PTPRZ1: variants seen among roughly 807,000 people sequenced by gnomAD.
The protein encoded by PTPRZ1 is protein tyrosine phosphatase receptor type Z1.
Under a neutral mutation model 214.1 loss-of-function variants are expected in PTPRZ1, and 82 were observed. That is an observed-to-expected ratio of 0.38 (90% CI 0.32 to 0.46). PTPRZ1 has a LOEUF of 0.46. Among genes scored for constraint, PTPRZ1 ranks in the 20% least tolerant of loss-of-function variants. The pLI is 1.00. For synonymous variants in PTPRZ1, 945 were observed against 987.9 expected (o/e 0.96, Z 0.81); for missense variants, 2,603 against 2,748.7 (o/e 0.95, Z 1.19).
At chr7:122,055,254 A>G (rs1400750033) in intron 27 of PTPRZ1, among the ~76,000 whole-genome samples, 167 bp downstream of exon 27, 2 of 152,036 alleles carry the variant, frequency 1.3e-5, no homozygotes, top group Non-Finnish European at 2.9e-5. Flanking sequence ...TCAAAATGAT[A>G]TAGAATCATT....
chr7:122,061,969 T>G lies in PTPRZ1; in HGVS notation c.*749T>G, dbSNP rs1488744182. The G allele has an allele frequency of 6.6e-6, 1 of 152,640 alleles. No homozygotes were observed. The highest frequency in any genetic ancestry group is 1.5e-5 in the Non-Finnish European group (1 of 68,044). The allele number at this position is 152,640 out of a possible 1,614,324, so 9.5% of individuals were successfully genotyped here. ...AAGAAGTTTTTATGAGAATAACACC[T>G]TACCAAACATTGTTCAAATGGTTTT... On this transcript the variant is annotated 3_prime_UTR_variant, in exon 30 of 30. Transcript: ENST00000393386.
chr7:122,061,011 T>C, intron 29 of PTPRZ1, 69 bp from the exon 30 acceptor site: 8 of 1,437,154 alleles, frequency 5.6e-6, no homozygotes, highest in South Asian at 1.4e-5. Flanking sequence ...CTAAAAATAT[T>C]TCTTCTTTTT....
At chr7:121,874,042 A>C (rs1793973448) in intron 1 of PTPRZ1, among the ~76,000 whole-genome samples, 1 of 145,626 alleles carries the variant, frequency 6.9e-6, no homozygotes, top group Admixed American at 6.8e-5. Flanking sequence ...AATTGCAGAC[A>C]CACACACACA....
chr7:122,011,613 T>C lies in PTPRZ1; in HGVS notation c.2567T>C (p.Leu856Ser), dbSNP rs769053474. 1 of 1,614,134 alleles carries C rather than the reference T, an allele frequency of 6.2e-7. No homozygotes were observed. Among genetic ancestry groups the C allele is most frequent in the Non-Finnish European group, 8.5e-7 (1 of 1,180,006 alleles). The change falls in exon 12 of 30, where the codon TTG (leucine) becomes TCG (serine). Residue 856 changes from leucine to serine, a missense_variant. Transcript: ENST00000393386. The stretch of plus-strand genomic sequence containing the variant: ...GCTACCGAGAGTGATAAGGTGCCCT[T>C]GCATGCTTCTCTGCCAGTGGCTGGG... ...TSATESDKVP[L>S]HASLPVAGGD...
At chr7:121,899,156 T>A (rs1057102358) in intron 1 of PTPRZ1, among the ~76,000 whole-genome samples, 7 of 152,168 alleles carry the variant, frequency 4.6e-5, no homozygotes, top group African/African-American at 7.2e-5. Context: ...GATTTTTTTT[T>A]AAAACTAGTT....
At chr7:122,059,994 CAT>C in intron 29 of PTPRZ1, 106 bp downstream of exon 29, 2 of 1,110,170 alleles carry the variant, frequency 1.8e-6, no homozygotes, top group Non-Finnish European at 2.5e-6. Context: ...TAACTGATAA[CAT>C]TAGTATGTAG....
Position 121,873,218 on chromosome 7 carries a change from C to G in PTPRZ1, c.-282C>G. ...AAAGTCCCGCACGCCGGAGGACATG[C>G]GCCTCGGCTAGCGGCCCCGGGCCCC... is the stretch of plus-strand genomic sequence containing the variant. On this transcript the variant is annotated 5_prime_UTR_variant, in exon 1 of 30. Coordinates refer to ENST00000393386, the MANE Select transcript of PTPRZ1 (RefSeq NM_002851.3). 2.3e-6 allele frequency: 1 copy of G among 427,410 alleles called. No homozygotes were observed. The highest frequency in any genetic ancestry group is 4.1e-6 in the Non-Finnish European group (1 of 242,428). 26.5% of individuals were successfully genotyped at this position (427,410 alleles called of 1,614,324 possible). A position where few individuals can be genotyped will look rare whatever the true frequency, so the allele number is the denominator to read the frequency against.
chr7:121,884,800 G>A (rs1302878426), intron 1 of PTPRZ1, among the ~76,000 whole-genome samples: 1 of 152,184 alleles, frequency 6.6e-6, no homozygotes, highest in Non-Finnish European at 1.5e-5. Context: ...TAGACTATTT[G>A]GATGAGATTT....
intron 1 of PTPRZ1, among the ~76,000 whole-genome samples, chr7:121,925,114 A>C (rs551489796): frequency 1.3e-5 from 2 of 152,276 alleles, no homozygotes; most frequent in East Asian, 3.9e-4. Flanking sequence ...TATGGTTTCC[A>C]TTTTTTATCA....
chr7:121,910,818 A>G (rs955033736), intron 1 of PTPRZ1, among the ~76,000 whole-genome samples: 1 of 152,160 alleles, frequency 6.6e-6, no homozygotes, highest in Non-Finnish European at 1.5e-5. Context: ...ATAATGAAAA[A>G]TATGATTATT....
chr7:121,918,567 A>T (rs1795492974), intron 1 of PTPRZ1, among the ~76,000 whole-genome samples: 1 of 152,146 alleles, frequency 6.6e-6, no homozygotes, highest in Admixed American at 6.6e-5. Flanking sequence ...TTTAAAATGG[A>T]TTTCAAATGT....
intron 2 of PTPRZ1, among the ~76,000 whole-genome samples, chr7:121,953,354 A>C (rs571394148): frequency 1.3e-5 from 2 of 152,336 alleles, no homozygotes; most frequent in South Asian, 4.1e-4. Flanking sequence ...CTTGGTTTGA[A>C]AAGACAATGA....
intron 11 of PTPRZ1, among the ~76,000 whole-genome samples, chr7:122,005,307 A>G (rs766769886): frequency 9.9e-5 from 15 of 151,864 alleles, no homozygotes; most frequent in Non-Finnish European, 2.1e-4. Context: ...TTTATATTTC[A>G]TCATATGCCC....
chr7:121,906,319 A>G (rs1337551182), intron 1 of PTPRZ1, among the ~76,000 whole-genome samples: 1 of 152,174 alleles, frequency 6.6e-6, no homozygotes, highest in Non-Finnish European at 1.5e-5. Flanking sequence ...TTAAGGAGGC[A>G]TGTGGGTGTG....
In PTPRZ1 at chr7:122,034,324, A is replaced by G. The variant is rs1799472858; in HGVS notation, c.5230A>G (p.Ser1744Gly). The stretch of plus-strand genomic sequence containing the variant: ...TGTTGACTTAGGTATTACAGCAGAC[A>G]GCTCCAACCACCCAGACAACAAGCA... ...CTVDLGITAD[S>G]SNHPDNKHKN... The change falls in exon 17 of 30, where the codon AGC becomes GGC. Residue 1744 changes from serine (S) to glycine (G), a missense_variant. Physicochemically the swap from Ser to Gly is moderately conservative, Grantham distance 56. Transcript: ENST00000393386. The G allele has an allele frequency of 1.2e-6, 2 of 1,613,464 alleles. No individual in the cohort carries two copies. The highest frequency in any genetic ancestry group is 1.7e-5 in the Admixed American group (1 of 59,928).
chr7:122,040,729 C>CGTGTGT (rs3993671), intron 20 of PTPRZ1, 87 bp from the exon 21 acceptor site: 639 of 489,406 alleles, frequency 1.3e-3, no homozygotes, highest in Admixed American at 4.3e-3. Flanking sequence ...GTTGAAGAAC[C>CGTGTGT]GTGTGTGTGT....
intron 2 of PTPRZ1, among the ~76,000 whole-genome samples, chr7:121,935,540 TTTTTTTTG>T (rs148964780): frequency 0.16 from 20,771 of 129,222 alleles, 1,576 homozygotes; most frequent in African/African-American, 0.26. Context: ...TTTTTTGGGG[TTTTTTTTG>T]TTTGTTTGTT....
intron 1 of PTPRZ1, among the ~76,000 whole-genome samples, chr7:121,924,797 T>C (rs1207630590): frequency 1.3e-5 from 2 of 152,220 alleles, no homozygotes; most frequent in Non-Finnish European, 2.9e-5. Flanking sequence ...ATATTTAAAA[T>C]GTATATAAAA....
intron 1 of PTPRZ1, among the ~76,000 whole-genome samples, chr7:121,912,075 G>T (rs1795295351): frequency 6.6e-6 from 1 of 152,118 alleles, no homozygotes; most frequent in Non-Finnish European, 1.5e-5. Context: ...ATCCATAAGG[G>T]ACTAATGTGT....
Sources: allele counts gnomAD v4.1 joint callset (sites outside exome capture counted in the v4.1 genomes callset), GRCh38; gene constraint gnomAD v4.1.1; transcripts MANE v1.5; gene names NCBI Gene and HGNC (gene_info 2026-07-23, HGNC 2026-07-21).